PHF3: variants seen among roughly 807,000 people sequenced by gnomAD.
PHF3 encodes the protein PHD finger protein 3.
A neutral mutation model predicts 178.4 loss-of-function variants in PHF3; 41 were observed. The ratio of observed to expected loss-of-function variants is 0.23; its 90% CI spans 0.18 to 0.30. The LOEUF is 0.30. Ranked by LOEUF, PHF3 falls within the 10% of genes least tolerant of loss-of-function variation. The pLI, the probability that PHF3 is intolerant of heterozygous loss-of-function variation, is 1.00. For missense variants in PHF3, 2,346 were observed against 2,398.1 expected, an observed-to-expected ratio of 0.98 and a Z score of 0.45; for synonymous variants, 842 against 800.5, an observed-to-expected ratio of 1.05 and a Z score of -0.88.
At chr6:63,647,458 T>G (rs762212295) in intron 2 of PHF3, among the ~76,000 whole-genome samples, 1 of 152,228 alleles carries the variant, frequency 6.6e-6, no homozygotes, top group African/African-American at 2.4e-5. Flanking sequence ...TGAAAAAAAG[T>G]TAAAAAATAT....
intron 13 of PHF3, 83 bp downstream of exon 13, chr6:63,706,959 TTAGTAA>T: frequency 8.6e-7 from 1 of 1,165,832 alleles, no homozygotes; most frequent in Non-Finnish European, 1.2e-6. Flanking sequence ...TAAGACAGAG[TTAGTAA>T]TAGAAATATT....
At chr6:63,664,899 G>GT (rs968860478) in intron 2 of PHF3, among the ~76,000 whole-genome samples, 18 of 151,446 alleles carry the variant, frequency 1.2e-4, no homozygotes, top group South Asian at 1.0e-3. Flanking sequence ...TATAATCTTA[G>GT]TTTTTTTTGT....
rs143877915 is a variant in PHF3, at chr6:63,693,194, A to G, written c.2496+1151A>G. Among the ~76,000 whole-genome samples, 784 of 152,314 alleles carry G rather than the reference A, an allele frequency of 5.1e-3. 7 individuals carry two copies. Among genetic ancestry groups the G allele is most frequent in the African/African-American group, 0.018 (747 of 41,578 alleles). ...TATAGCATGTCTTTGGAAAACTTCT[A>G]TTTATTATTAACTAGTATTAATAAT... is the stretch of plus-strand genomic sequence containing the variant. On this transcript the variant is annotated intron_variant, in intron 5 of 15. Coordinates refer to ENST00000262043, the MANE Select transcript of PHF3 (RefSeq NM_001370348.2).
At position 63,720,860 on chromosome 6, in the gene PHF3, C is replaced by G. The variant is rs1385758718; in HGVS notation, c.*7152C>G. Reference sequence around the variant, plus strand: ...GAATTAGACTGTTATTTATGTAGGCCTTGATAAGAGTCTGATTTTGAATTA... The same window carrying G: ...GAATTAGACTGTTATTTATGTAGGCGTTGATAAGAGTCTGATTTTGAATTA... On this transcript the variant is annotated 3_prime_UTR_variant, in exon 16 of 16. Coordinates refer to ENST00000262043, the MANE Select transcript of PHF3 (RefSeq NM_001370348.2). The G allele has an allele frequency of 1.3e-6, 2 of 1,550,914 alleles. No homozygotes were observed. The highest frequency in any genetic ancestry group is 2.0e-5 in the Admixed American group (1 of 50,918).
chr6:63,679,485 T>C (rs1766331001), intron 2 of PHF3, among the ~76,000 whole-genome samples: 1 of 151,848 alleles, frequency 6.6e-6, no homozygotes, highest in Non-Finnish European at 1.5e-5. Context: ...TTCCGTTTCT[T>C]CCTGTTTTTT....
intron 11 of PHF3, among the ~76,000 whole-genome samples, chr6:63,704,092 A>C (rs989974866): frequency 6.6e-6 from 1 of 152,198 alleles, no homozygotes; most frequent in African/African-American, 2.4e-5. Flanking sequence ...TTTTATTTTT[A>C]AGAGCACTTT....
chr6:63,650,047 G>C (rs1180733219), intron 2 of PHF3, among the ~76,000 whole-genome samples: 1 of 152,152 alleles, frequency 6.6e-6, no homozygotes, highest in African/African-American at 2.4e-5. Flanking sequence ...GAACAATCTT[G>C]TGTTTACAAT....
At chr6:63,680,711 T>C (rs1736313943) in intron 3 of PHF3, among the ~76,000 whole-genome samples, 1 of 152,094 alleles carries the variant, frequency 6.6e-6, no homozygotes, top group African/African-American at 2.4e-5. Context: ...CCAGCAGTTA[T>C]ACTAAAACTG....
intron 9 of PHF3, 77 bp from the exon 10 acceptor site, chr6:63,702,431 A>T: frequency 1.0e-6 from 1 of 953,056 alleles, no homozygotes; most frequent in Non-Finnish European, 1.5e-6. Context: ...TTTTTAGGTA[A>T]GCTCTTATTA....
At chr6:63,641,443 A>G (rs1253373769) in intron 1 of PHF3, among the ~76,000 whole-genome samples, 2 of 151,844 alleles carry the variant, frequency 1.3e-5, no homozygotes, top group African/African-American at 4.8e-5. Context: ...ACAGACACAA[A>G]TGTAGACTAC....
rs760290397 is a variant in PHF3 at position 63,703,619 on chromosome 6, C to T, written c.3315C>T (p.Thr1105=). 2 of 1,611,408 alleles carry T rather than the reference C, an allele frequency of 1.2e-6. No homozygotes were observed. The highest frequency in any genetic ancestry group is 2.7e-5 in the African/African-American group (2 of 74,732). ...AGGTTGACTCTATGTCTAAAGATAC[C>T]ACTAGTCAACACAGACAGCATCTTT... ...KEEVDSMSKD[T]TSQHRQHLFD... Residue 1105 remains threonine (T), a synonymous_variant, in exon 11 of 16, where the codon ACC becomes ACT. Coordinates refer to ENST00000262043, the MANE Select transcript of PHF3 (RefSeq NM_001370348.2).
At chr6:63,695,726 A>C (rs568630207) in intron 6 of PHF3, among the ~76,000 whole-genome samples, 1 of 152,272 alleles carries the variant, frequency 6.6e-6, no homozygotes, top group Admixed American at 6.5e-5. Flanking sequence ...TTGGAATGGA[A>C]ATAGAATGAA....
intron 1 of PHF3, among the ~76,000 whole-genome samples, chr6:63,642,694 A>G (rs1764624678): frequency 6.6e-6 from 1 of 152,150 alleles, no homozygotes; most frequent in Non-Finnish European, 1.5e-5. Context: ...AATTATTTAG[A>G]ATGCCAGTAG....
At chr6:63,672,076 T>C (rs1198038) in intron 2 of PHF3, among the ~76,000 whole-genome samples, 152,111 of 152,328 alleles carry the variant, frequency 1, 75,948 homozygotes, top group Middle Eastern at 1. Context: ...CTTCTGACCT[T>C]GTCGTCTGTC....
rs557581254 is a variant in PHF3 at position 63,725,425 on chromosome 6, G to A, written c.*11717G>A. On this transcript the variant is annotated 3_prime_UTR_variant, in exon 16 of 16. Transcript: ENST00000262043. ...CTTGATTTTCTGCCCTCTTACATAG[G>A]TCCCACTTAACATTAATTTTGAGTT... Among the ~76,000 whole-genome samples, 3 of 152,052 alleles carry A rather than the reference G, an allele frequency of 2.0e-5. No individual in the cohort carries two copies. The East Asian group carries it at 5.8e-4, about 29-fold the overall frequency.
chr6:63,656,403 T>TA (rs1765235424), intron 2 of PHF3, among the ~76,000 whole-genome samples: 1 of 152,146 alleles, frequency 6.6e-6, no homozygotes, highest in South Asian at 2.1e-4. Flanking sequence ...ACTGAAACCC[T>TA]AAAAAAACCA....
At position 63,720,871 on chromosome 6, in the gene PHF3, T is replaced by A; in HGVS notation, c.*7163T>A. The A allele has an allele frequency of 6.4e-7, 1 of 1,550,948 alleles. No homozygotes were observed. The highest frequency in any genetic ancestry group is 1.4e-5 in the African/African-American group (1 of 73,080). On this transcript the variant is annotated 3_prime_UTR_variant, in exon 16 of 16. Coordinates refer to ENST00000262043, the MANE Select transcript of PHF3 (RefSeq NM_001370348.2). The stretch of plus-strand genomic sequence containing the variant: ...TTATTTATGTAGGCCTTGATAAGAG[T>A]CTGATTTTGAATTACAACTACATGG...
At chr6:63,660,971 A>G (rs751457139) in intron 2 of PHF3, among the ~76,000 whole-genome samples, 6 of 152,142 alleles carry the variant, frequency 3.9e-5, no homozygotes, top group Non-Finnish European at 5.9e-5. Flanking sequence ...TCTTGTCATC[A>G]TGCTGCTTGC....
At chr6:63,687,462 C>T (rs893103571) in intron 4 of PHF3, among the ~76,000 whole-genome samples, 1 of 152,166 alleles carries the variant, frequency 6.6e-6, no homozygotes, top group Non-Finnish European at 1.5e-5. Context: ...TGAAGTGGGC[C>T]TGCTGTTTTC....
Sources: allele counts gnomAD v4.1 joint callset (sites outside exome capture counted in the v4.1 genomes callset), GRCh38; gene constraint gnomAD v4.1.1; transcripts MANE v1.5; gene names NCBI Gene and HGNC (gene_info 2026-07-23, HGNC 2026-07-21).